ERICH5: variants seen among roughly 807,000 people sequenced by gnomAD.
ERICH5 encodes the protein glutamate rich 5.
In ERICH5, 24 loss-of-function variants were observed where a neutral mutation model predicts 28.0. That is an observed-to-expected ratio of 0.86 (90% CI 0.62 to 1.21). The LOEUF (loss-of-function observed/expected upper bound fraction) is 1.21. Among genes scored for constraint, ERICH5 ranks in the 50% most tolerant of loss-of-function variants. The pLI is 0.00. For missense variants in ERICH5, 421 were observed against 441.2 expected, an observed-to-expected ratio of 0.95 and a Z score of 0.41; for synonymous variants, 163 against 157.6, an observed-to-expected ratio of 1.03 and a Z score of -0.25.
intron 1 of ERICH5, among the ~76,000 whole-genome samples, chr8:98,080,498 G>C (rs1815159286): frequency 6.6e-6 from 1 of 152,174 alleles, no homozygotes. Context: ...AGTTTGAGTG[G>C]TAATTGTAGA....
rs1815408893 is a variant in ERICH5 at position 98,091,920 on chromosome 8, C to CTTT, written c.1013-1301_1013-1300insTTT. ...TCTTTCCTTTCTTTCTTTCTTTCTT[C>CTTT]CTTTCTTTCTTTCTTCCTTTCTTTC... On this transcript the variant is annotated intron_variant, in intron 2 of 2. Transcript: ENST00000318528. Among the ~76,000 whole-genome samples the CTTT allele has an allele frequency of 7.1e-3, 191 of 26,792 alleles. 4 individuals carry two copies. Among genetic ancestry groups the CTTT allele is most frequent in the African/African-American group, 0.021 (172 of 8,074 alleles). The allele number at this position is 26,792 out of a possible 152,430, so 17.6% of individuals were successfully genotyped here.
intron 1 of ERICH5, among the ~76,000 whole-genome samples, chr8:98,068,468 A>G (rs1814856810): frequency 6.6e-6 from 1 of 152,216 alleles, no homozygotes; most frequent in South Asian, 2.1e-4. Flanking sequence ...GAGACTTTTC[A>G]TTCCAAAGGA....
intron 1 of ERICH5, among the ~76,000 whole-genome samples, chr8:98,085,255 GT>G (rs1275436138): frequency 1.5e-5 from 2 of 134,544 alleles, no homozygotes; most frequent in Non-Finnish European, 3.1e-5. Context: ...CCGCCTCCCA[GT>G]TTCACGCCAT....
chr8:98,092,825 G>A (rs1815430746), intron 2 of ERICH5, among the ~76,000 whole-genome samples: 1 of 150,818 alleles, frequency 6.6e-6, no homozygotes, highest in South Asian at 2.1e-4. Flanking sequence ...GCCCAGACTG[G>A]AGTGCAGTGG....
At chr8:98,070,680 A>G (rs1172949895) in intron 1 of ERICH5, among the ~76,000 whole-genome samples, 1 of 145,526 alleles carries the variant, frequency 6.9e-6, no homozygotes, top group East Asian at 2.0e-4. Context: ...AAAAAAAAAA[A>G]AAGAAAAGAA....
chr8:98,088,610 A>G (rs1056846744), intron 1 of ERICH5, among the ~76,000 whole-genome samples: 1 of 152,084 alleles, frequency 6.6e-6, no homozygotes, highest in Non-Finnish European at 1.5e-5. Flanking sequence ...GGAAAGTAAG[A>G]CCTCTCTAGC....
At chr8:98,080,727 CCTT>C (rs534426503) in intron 1 of ERICH5, among the ~76,000 whole-genome samples, 207 of 132,722 alleles carry the variant, frequency 1.6e-3, no homozygotes, top group Admixed American at 2.6e-3. Flanking sequence ...CTCTCCTTCT[CCTT>C]CTTCCTCTGT....
chr8:98,064,877 C>G (rs1586195394), intron 1 of ERICH5, 150 bp downstream of exon 1: 1 of 593,312 alleles, frequency 1.7e-6, no homozygotes, highest in Non-Finnish European at 2.6e-6. Flanking sequence ...CGGGACAAAG[C>G]GCGATTTCCT....
intron 2 of ERICH5, among the ~76,000 whole-genome samples, chr8:98,091,953 T>TCCCC (rs1563759727): frequency 7.5e-5 from 9 of 119,948 alleles, no homozygotes; most frequent in African/African-American, 2.6e-4. Context: ...TTCTTTCTTC[T>TCCCC]TTCTTTCTTT....
intron 1 of ERICH5, among the ~76,000 whole-genome samples, chr8:98,079,166 CTTTTTTTTT>C (rs528062932): frequency 5.3e-5 from 4 of 75,576 alleles, no homozygotes; most frequent in African/African-American, 9.5e-5. Context: ...TTTTTTTTTC[CTTTTTTTTT>C]TTTTTTTTTT....
chr8:98,085,077 C>G (rs1053363559), intron 1 of ERICH5, among the ~76,000 whole-genome samples: 2 of 144,204 alleles, frequency 1.4e-5, no homozygotes. Context: ...TTGCACTTAT[C>G]AATTGTTCAT....
At chr8:98,079,461 T>C (rs891834437) in intron 1 of ERICH5, among the ~76,000 whole-genome samples, 6 of 152,226 alleles carry the variant, frequency 3.9e-5, no homozygotes, top group Admixed American at 2.0e-4. Context: ...CATTTATTTA[T>C]ATATAATTTA....
intron 1 of ERICH5, among the ~76,000 whole-genome samples, chr8:98,074,071 G>GT (rs1316986161): frequency 6.6e-6 from 1 of 150,482 alleles, no homozygotes; most frequent in Non-Finnish European, 1.5e-5. Flanking sequence ...ATTTTTTTTT[G>GT]TTTTTTGGAG....
intron 2 of ERICH5, among the ~76,000 whole-genome samples, chr8:98,091,746 C>G (rs1222053004): frequency 6.6e-6 from 1 of 152,206 alleles, no homozygotes; most frequent in East Asian, 1.9e-4. Flanking sequence ...TTTTTAAACA[C>G]ATAATGGCCA....
chr8:98,083,819 C>A (rs1481519466), intron 1 of ERICH5, among the ~76,000 whole-genome samples: 1 of 152,174 alleles, frequency 6.6e-6, no homozygotes, highest in Non-Finnish European at 1.5e-5. Flanking sequence ...AGATACCATG[C>A]CCCAGCCTGA....
At position 98,089,174 on chromosome 8, in the gene ERICH5, A is replaced by T; in HGVS notation, c.157A>T (p.Asn53Tyr). ...ALGRESTVDG[N>Y]VQRESRPPLQ... ...GGGAAGAGAATCTACTGTTGATGGC[A>T]ATGTACAAAGGGAAAGCCGTCCTCC... is the stretch of plus-strand genomic sequence containing the variant. The change falls in exon 2 of 3, where the codon AAT becomes TAT. Residue 53 changes from asparagine (N) to tyrosine (Y), a missense_variant. Physicochemically the swap from Asn to Tyr is moderately radical, Grantham distance 143. Transcript: ENST00000318528. 1 of 1,614,212 alleles carries T rather than the reference A, an allele frequency of 6.2e-7. No homozygotes were observed. Among genetic ancestry groups the T allele is most frequent in the Non-Finnish European group, 8.5e-7 (1 of 1,180,038 alleles).
Position 98,093,240 on chromosome 8 carries a change from G to A in ERICH5, c.1032G>A (p.Val344=). ...QRIEGETGEK[V]ETDMENEKVS... ...TTCCAGGTGAGACAGGGGAAAAGGTGGAAACAGACATGGAGAATGAGAAAG... is the reference window on the plus strand; with the variant it reads ...TTCCAGGTGAGACAGGGGAAAAGGTAGAAACAGACATGGAGAATGAGAAAG... Residue 344 remains valine (V), a synonymous_variant, in exon 3 of 3, where the codon GTG becomes GTA. Transcript: ENST00000318528. 1 of 1,613,528 alleles carries A rather than the reference G, an allele frequency of 6.2e-7. No individual in the cohort carries two copies. Among genetic ancestry groups the A allele is most frequent in the Non-Finnish European group, 8.5e-7 (1 of 1,179,640 alleles).
At position 98,064,579 on chromosome 8, in the gene ERICH5, A is replaced by G; in HGVS notation, c.-91A>G. The stretch of plus-strand genomic sequence containing the variant: ...GGGAGCCGGGCTGCAGAGCTGGAGA[A>G]ACTTCCGCGGCTACGGGTGCAGTTG... On this transcript the variant is annotated 5_prime_UTR_variant, in exon 1 of 3. Transcript: ENST00000318528. 3 of 1,173,324 alleles carry G rather than the reference A, an allele frequency of 2.6e-6. No individual in the cohort carries two copies. Among genetic ancestry groups the G allele is most frequent in the Non-Finnish European group, 3.5e-6 (3 of 857,602 alleles). The allele number at this position is 1,173,324 out of a possible 1,614,324, so 72.7% of individuals were successfully genotyped here.
intron 2 of ERICH5, 70 bp downstream of exon 2, chr8:98,090,099 T>G: frequency 8.6e-7 from 1 of 1,156,154 alleles, no homozygotes; most frequent in Non-Finnish European, 1.2e-6. Context: ...GGGAGTGGGA[T>G]GGGGTGACTG....
Sources: gnomAD v4.1 joint callset for allele counts (sites outside exome capture counted in the v4.1 genomes callset) on GRCh38, gnomAD v4.1.1 for gene constraint, MANE v1.5 for transcripts, NCBI Gene and HGNC (gene_info 2026-07-23, HGNC 2026-07-21) for gene names.